The following WWC1 variants were observed in gnomAD, a reference collection of about 807,000 sequenced individuals.
WWC1 encodes protein KIBRA.
WWC1 carries 55 observed loss-of-function variants against 138.4 expected under a neutral mutation model. That is an observed-to-expected ratio of 0.40 (90% CI 0.32 to 0.50). WWC1 has a LOEUF of 0.50. Among genes scored for constraint, WWC1 ranks in the 20% least tolerant of loss-of-function variants. WWC1 has a pLI of 0.72. For synonymous variants in WWC1, 524 were observed against 564.9 expected (o/e 0.93, Z 1.03); for missense variants, 1,226 against 1,420.4 (o/e 0.86, Z 2.20).
chr5:168,443,204 C>G (rs1044797095), intron 16 of WWC1, among the ~76,000 whole-genome samples: 1 of 152,192 alleles, frequency 6.6e-6, no homozygotes, highest in African/African-American at 2.4e-5. Flanking sequence ...CCTAGAATTT[C>G]AATGGAGCGG....
At chr5:168,441,501 A>G (rs976048067) in intron 15 of WWC1, among the ~76,000 whole-genome samples, 181 bp from the exon 16 acceptor site, 6 of 152,222 alleles carry the variant, frequency 3.9e-5, no homozygotes, top group African/African-American at 1.4e-4. Context: ...CAATCAATCA[A>G]TGAATGAATG....
At chr5:168,328,848 T>C (rs539763276) in intron 1 of WWC1, among the ~76,000 whole-genome samples, 6 of 152,216 alleles carry the variant, frequency 3.9e-5, no homozygotes, top group African/African-American at 1.4e-4. Context: ...GGGGAGTTTT[T>C]TCACTTCCCT....
intron 9 of WWC1, chr5:168,415,207 A>G (rs1780513068): frequency 6.6e-6 from 1 of 152,406 alleles, no homozygotes; most frequent in African/African-American, 2.4e-5. Context: ...GAGTGCACAG[A>G]CCCCACTGGT....
intron 8 of WWC1, 110 bp from the exon 9 acceptor site, chr5:168,414,238 G>A (rs971233794): frequency 1.5e-4 from 225 of 1,453,830 alleles, no homozygotes; most frequent in Non-Finnish European, 1.8e-4. Context: ...CTGATCAAAG[G>A]AAGACAGTAA....
At chr5:168,449,404 C>A (rs1034329821) in intron 17 of WWC1, among the ~76,000 whole-genome samples, 1 of 152,130 alleles carries the variant, frequency 6.6e-6, no homozygotes, top group Non-Finnish European at 1.5e-5. Flanking sequence ...GCCTCTGCCG[C>A]TCACTTTTTG....
intron 1 of WWC1, among the ~76,000 whole-genome samples, chr5:168,300,639 T>C (rs1769979245): frequency 6.6e-6 from 1 of 152,108 alleles, no homozygotes. Context: ...TGGCTTTTTT[T>C]TTCTTCTCTT....
intron 3 of WWC1, among the ~76,000 whole-genome samples, chr5:168,394,465 G>T (rs1330491472): frequency 6.6e-6 from 1 of 151,194 alleles, no homozygotes; most frequent in South Asian, 2.1e-4. Flanking sequence ...GGTGGCTCAC[G>T]CCTGTAATCC....
chr5:168,363,456 T>C (rs190890407), intron 1 of WWC1, among the ~76,000 whole-genome samples: 4 of 131,188 alleles, frequency 3.0e-5, no homozygotes, highest in African/African-American at 6.0e-5. Context: ...CCCTGGGAGG[T>C]AGAGATTGCA....
At chr5:168,336,577 A>G (rs865848846) in intron 1 of WWC1, among the ~76,000 whole-genome samples, 19 of 149,646 alleles carry the variant, frequency 1.3e-4, no homozygotes, top group Middle Eastern at 3.4e-3. Flanking sequence ...GTCTCAAAAA[A>G]AAAAAAAAAA....
Position 168,426,517 on chromosome 5 carries a change from A to C in WWC1, c.1811-1516A>C, listed in dbSNP as rs796619215. On this transcript the variant is annotated intron_variant, in intron 11 of 22. Coordinates refer to ENST00000265293, the MANE Select transcript of WWC1 (RefSeq NM_015238.3). ...CATCTCCAGAAGCCTTCCCTGCAGC[A>C]AGCAATGCCAGGCAGAGCTTAGACG... Among the ~76,000 whole-genome samples the C allele has an allele frequency of 1.4e-4, 22 of 152,320 alleles. 1 individual carries two copies. The highest frequency in any genetic ancestry group is 5.3e-4 in the African/African-American group (22 of 41,580).
chr5:168,367,562 G>T (rs1033780286), intron 1 of WWC1, among the ~76,000 whole-genome samples: 1 of 149,982 alleles, frequency 6.7e-6, no homozygotes, highest in South Asian at 2.1e-4. Context: ...CTCGTGATCC[G>T]CCCGCCTCGG....
At chr5:168,427,603 G>A (rs913689153) in intron 11 of WWC1, among the ~76,000 whole-genome samples, 1 of 143,500 alleles carries the variant, frequency 7.0e-6, no homozygotes, top group Admixed American at 7.1e-5. Flanking sequence ...TTGGAATTTG[G>A]TGGAACCGTC....
At chr5:168,420,648 C>T (rs1246057454) in intron 9 of WWC1, among the ~76,000 whole-genome samples, 1 of 152,130 alleles carries the variant, frequency 6.6e-6, no homozygotes, top group East Asian at 1.9e-4. Flanking sequence ...TTCTCTTCCC[C>T]CGGGATCCTC....
intron 1 of WWC1, among the ~76,000 whole-genome samples, chr5:168,312,765 G>A (rs1020336685): frequency 3.3e-5 from 5 of 151,518 alleles, no homozygotes; most frequent in Non-Finnish European, 7.4e-5. Flanking sequence ...GGTGCCAACC[G>A]CAGCAGCTGC....
intron 17 of WWC1, among the ~76,000 whole-genome samples, chr5:168,449,461 A>T (rs974149981): frequency 1.3e-5 from 2 of 151,970 alleles, no homozygotes; most frequent in East Asian, 1.9e-4. Flanking sequence ...TGTGAGGTGT[A>T]GCACCTGGAG....
At chr5:168,451,861 T>A (rs2337219) in intron 17 of WWC1, among the ~76,000 whole-genome samples, 46,300 of 150,374 alleles carry the variant, frequency 0.31, 8,326 homozygotes, top group Middle Eastern at 0.46. Flanking sequence ...CAGGGGAAAC[T>A]TAAAATGGCA....
At chr5:168,461,237 C>T (rs941223232) in intron 20 of WWC1, among the ~76,000 whole-genome samples, 18 of 151,944 alleles carry the variant, frequency 1.2e-4, no homozygotes, top group Admixed American at 3.9e-4. Context: ...GAGGCTGAGG[C>T]AGGAGAATCG....
chr5:168,324,375 G>T (rs532530827), intron 1 of WWC1, among the ~76,000 whole-genome samples: 1 of 152,152 alleles, frequency 6.6e-6, no homozygotes, highest in Admixed American at 6.5e-5. Context: ...AGAGGTTGCA[G>T]TGAGTTGAGA....
At position 168,420,489 on chromosome 5, in the gene WWC1, C is replaced by T. The variant is rs150922875; in HGVS notation, c.1185-1519C>T. Among the ~76,000 whole-genome samples, 77 of 152,204 alleles carry T rather than the reference C, an allele frequency of 5.1e-4. 2 individuals are homozygous for T. In the East Asian group the frequency reaches 0.014, roughly 27 times the overall value. Reference sequence around the variant, plus strand: ...TTGGAGGTACTGCTGCTTAGGACTTCGATGTAGGATTTCGGGGGACAAAAA... The same window carrying T: ...TTGGAGGTACTGCTGCTTAGGACTTTGATGTAGGATTTCGGGGGACAAAAA... On this transcript the variant is annotated intron_variant, in intron 9 of 22. Coordinates refer to ENST00000265293, the MANE Select transcript of WWC1 (RefSeq NM_015238.3).
Sources: allele counts gnomAD v4.1 joint callset (sites outside exome capture counted in the v4.1 genomes callset), GRCh38; gene constraint gnomAD v4.1.1; transcripts MANE v1.5; gene names NCBI Gene and HGNC (gene_info 2026-07-23, HGNC 2026-07-21).